B3GALT1: variants seen among roughly 807,000 people sequenced by gnomAD.
B3GALT1 encodes UDP-Gal:betaGlcNAc beta 1,3-galactosyltransferase, polypeptide 1.
Under a neutral mutation model 23.2 loss-of-function variants are expected in B3GALT1, and 10 were observed. The ratio of observed to expected loss-of-function variants is 0.43; its 90% confidence interval spans 0.27 to 0.73. B3GALT1 has a LOEUF of 0.73. B3GALT1 is among the 30% of genes least tolerant of loss of function. The pLI is 0.21. For missense variants in B3GALT1, 299 were observed against 405.4 expected (o/e 0.74, Z 2.25); for synonymous variants, 156 against 141.5 (o/e 1.10, Z -0.73).
At chr2:167,323,622 C>A (rs1225876783) in intron 1 of B3GALT1, among the ~76,000 whole-genome samples, 1 of 152,052 alleles carries the variant, frequency 6.6e-6, no homozygotes, top group Non-Finnish European at 1.5e-5. Flanking sequence ...AGAAAAAGTA[C>A]ATTTTGCAGT....
At position 167,583,236 on chromosome 2, in the gene B3GALT1, C is replaced by A. The variant is rs534087587; in HGVS notation, c.-409-63673C>A. Among the ~76,000 whole-genome samples the A allele has an allele frequency of 3.3e-5, 5 of 152,268 alleles. No homozygotes were observed. In the East Asian group the frequency reaches 9.7e-4, roughly 29 times the overall value. The stretch of plus-strand genomic sequence containing the variant: ...TTTCCTTTCTTTTCCTTTTGTCCCC[C>A]CTTGTCCCTTGGATGCCAGGGGCAG... On this transcript the variant is annotated intron_variant, in intron 2 of 4. Transcript: ENST00000392690.
intron 2 of B3GALT1, among the ~76,000 whole-genome samples, chr2:167,519,455 A>G (rs1700155302): frequency 6.6e-6 from 1 of 152,160 alleles, no homozygotes; most frequent in South Asian, 2.1e-4. Context: ...TATATTGCAA[A>G]TCTTTGCTCA....
intron 3 of B3GALT1, among the ~76,000 whole-genome samples, chr2:167,704,257 C>A (rs1480645129): frequency 6.6e-6 from 1 of 150,782 alleles, no homozygotes; most frequent in African/African-American, 2.4e-5. Flanking sequence ...TTCTATCCTG[C>A]CAACTGTGAC....
chr2:167,389,841 A>T (rs1697988574), intron 1 of B3GALT1, among the ~76,000 whole-genome samples: 1 of 142,708 alleles, frequency 7.0e-6, no homozygotes, highest in African/African-American at 2.5e-5. Flanking sequence ...GAGCCAGAAG[A>T]TGGAGGCTGC....
chr2:167,594,905 C>CA lies in B3GALT1; in HGVS notation c.-409-51994dup, dbSNP rs376067930. ...CAGGTGAAAGGGTGAGACTCTGTCT[C>CA]AAAAAAAAAAGAAAAGAAACAAAAA... On this transcript the variant is annotated intron_variant, in intron 2 of 4. Transcript: ENST00000392690. 4.5e-3 allele frequency among the ~76,000 whole-genome samples: 645 copies of CA among 144,580 alleles called. 6 individuals are homozygous for CA. The highest frequency in any genetic ancestry group is 0.015 in the African/African-American group (598 of 39,506). 94.9% of individuals were successfully genotyped at this position (144,580 alleles called of 152,430 possible). A position where few individuals can be genotyped will look rare whatever the true frequency, so the allele number is the denominator to read the frequency against.
chr2:167,754,383 C>T (rs112390076), intron 3 of B3GALT1, among the ~76,000 whole-genome samples: 1 of 152,144 alleles, frequency 6.6e-6, no homozygotes, highest in Non-Finnish European at 1.5e-5. Context: ...TTCCCACTAC[C>T]GTATCCTCTA....
At chr2:167,344,005 G>A (rs575443131) in intron 1 of B3GALT1, among the ~76,000 whole-genome samples, 2 of 152,266 alleles carry the variant, frequency 1.3e-5, no homozygotes, top group East Asian at 3.9e-4. Context: ...AAAGGGAGAA[G>A]GGAGTATTGG....
chr2:167,447,972 A>C (rs1699027133), intron 1 of B3GALT1, among the ~76,000 whole-genome samples: 1 of 152,126 alleles, frequency 6.6e-6, no homozygotes, highest in Admixed American at 6.5e-5. Flanking sequence ...AGCTGTTCCT[A>C]TTCGGCCATC....
chr2:167,566,069 C>G (rs1289797979), intron 2 of B3GALT1, among the ~76,000 whole-genome samples: 1 of 151,976 alleles, frequency 6.6e-6, no homozygotes, highest in Non-Finnish European at 1.5e-5. Flanking sequence ...TATTGCGGCA[C>G]TATTCACAAT....
intron 1 of B3GALT1, among the ~76,000 whole-genome samples, chr2:167,444,635 TTTTCTAG>T (rs1437881743): frequency 6.6e-6 from 1 of 152,202 alleles, no homozygotes; most frequent in Non-Finnish European, 1.5e-5. Flanking sequence ...TTCTTCTAGA[TTTTCTAG>T]TTTATTTGCG....
intron 2 of B3GALT1, among the ~76,000 whole-genome samples, chr2:167,559,780 A>T (rs1283449267): frequency 6.6e-6 from 1 of 152,210 alleles, no homozygotes; most frequent in Non-Finnish European, 1.5e-5. Context: ...AAATGAACAA[A>T]GCCTCCAAGA....
chr2:167,420,020 TATAAG>T (rs1395746286), intron 1 of B3GALT1, among the ~76,000 whole-genome samples: 46 of 152,318 alleles, frequency 3.0e-4, no homozygotes, highest in Middle Eastern at 3.4e-3. Context: ...GGATCCCTCT[TATAAG>T]ATTAGTCCAG....
intron 3 of B3GALT1, among the ~76,000 whole-genome samples, chr2:167,762,555 A>G (rs1292992467): frequency 6.6e-6 from 1 of 151,670 alleles, no homozygotes; most frequent in Non-Finnish European, 1.5e-5. Context: ...TGCTTTGTGA[A>G]TACAAAGGAA....
intron 1 of B3GALT1, among the ~76,000 whole-genome samples, chr2:167,468,591 G>T (rs946485341): frequency 6.6e-6 from 1 of 152,092 alleles, no homozygotes; most frequent in Non-Finnish European, 1.5e-5. Context: ...GAAATACTTG[G>T]CCAGGCGCGG....
intron 2 of B3GALT1, among the ~76,000 whole-genome samples, chr2:167,594,668 T>G (rs897839858): frequency 6.6e-6 from 1 of 152,134 alleles, no homozygotes; most frequent in African/African-American, 2.4e-5. Flanking sequence ...ATCCCAGCAC[T>G]TTGGGAGGAC....
chr2:167,470,511 G>A (rs773421577), intron 1 of B3GALT1, among the ~76,000 whole-genome samples: 4 of 152,034 alleles, frequency 2.6e-5, no homozygotes, highest in Non-Finnish European at 5.9e-5. Flanking sequence ...ATGGAGTGCT[G>A]TGAGGTTATT....
intron 2 of B3GALT1, among the ~76,000 whole-genome samples, chr2:167,562,239 T>G (rs1422563197): frequency 1.3e-5 from 2 of 152,214 alleles, no homozygotes; most frequent in Non-Finnish European, 2.9e-5. Flanking sequence ...AGAAAAGGCC[T>G]TTGACAAAAT....
In B3GALT1 at chr2:167,822,468, A is replaced by T. The variant is rs111607166; in HGVS notation, c.-230+3675A>T. Reference sequence around the variant, plus strand: ...CCCTCTAATTATTTCATATCTTCACATTAGGGACCAAGATACTCACGGTGG... The same window carrying T: ...CCCTCTAATTATTTCATATCTTCACTTTAGGGACCAAGATACTCACGGTGG... On this transcript the variant is annotated intron_variant, in intron 4 of 4. Transcript: ENST00000392690. Among the ~76,000 whole-genome samples the T allele has an allele frequency of 3.0e-4, 46 of 152,270 alleles. 1 individual carries two copies. The highest frequency in any genetic ancestry group is 1.1e-3 in the African/African-American group (46 of 41,560).
intron 1 of B3GALT1, among the ~76,000 whole-genome samples, chr2:167,319,844 C>T (rs1394241129): frequency 2.0e-5 from 3 of 152,092 alleles, no homozygotes; most frequent in Non-Finnish European, 4.4e-5. Context: ...GTTATGATTA[C>T]CGCCATTGGA....
Sources: gnomAD v4.1 joint callset for allele counts (sites outside exome capture counted in the v4.1 genomes callset) on GRCh38, gnomAD v4.1.1 for gene constraint, MANE v1.5 for transcripts, NCBI Gene and HGNC (gene_info 2026-07-23, HGNC 2026-07-21) for gene names.